Variants in TTC23 observed in about 807,000 individuals in gnomAD.
TTC23 encodes tetratricopeptide repeat domain 23.
A neutral mutation model predicts 55.1 loss-of-function variants in TTC23; 58 were observed. The ratio of observed to expected loss-of-function variants is 1.05; its 90% CI spans 0.85 to 1.31. TTC23 has a LOEUF of 1.31. Among genes scored for constraint, TTC23 ranks in the 50% most tolerant of loss-of-function variants. The pLI, the probability that TTC23 is intolerant of heterozygous loss-of-function variation, is 0.00. For missense variants in TTC23, 516 were observed against 534.4 expected (o/e 0.97, Z 0.34); for synonymous variants, 203 against 199.9 (o/e 1.02, Z -0.13).
At chr15:99,250,520 T>A (rs1466551334), upstream of TTC23, among the ~76,000 whole-genome samples, 2 of 152,222 alleles carry the variant, frequency 1.3e-5, no homozygotes, top group South Asian at 4.1e-4. Context: ...TAGTAGAGGA[T>A]TATACTTTAA....
intron 1 of TTC23, among the ~76,000 whole-genome samples, chr15:99,248,626 C>T (rs2080466887): frequency 6.6e-6 from 1 of 152,208 alleles, no homozygotes; most frequent in South Asian, 2.1e-4. Context: ...CTACAACAGT[C>T]ATCCGGGCAT....
chr15:99,153,966 T>C (rs1703769), intron 12 of TTC23, among the ~76,000 whole-genome samples: 63,501 of 152,088 alleles, frequency 0.42, 14,183 homozygotes, highest in African/African-American at 0.59. Flanking sequence ...TCCATGCAAA[T>C]AAATCTGAAA....
chr15:99,197,466 A>C (rs2075840670), intron 9 of TTC23, among the ~76,000 whole-genome samples: 1 of 152,204 alleles, frequency 6.6e-6, no homozygotes, highest in Non-Finnish European at 1.5e-5. Context: ...AAGAAAAAGA[A>C]AAGAAAAATA....
At chr15:99,157,131 CTTTTTTTTTT>C (rs35708998) in intron 11 of TTC23, 1 of 125,066 alleles carries the variant, frequency 8.0e-6, no homozygotes, top group African/African-American at 3.1e-5. Context: ...ATCTTCATAC[CTTTTTTTTTT>C]TTTTTTTTTA....
At chr15:99,248,224 G>C (rs2152109692) in intron 1 of TTC23, 1 of 152,294 alleles carries the variant, frequency 6.6e-6, no homozygotes, top group Non-Finnish European at 1.5e-5. Context: ...GGGCCCCTTA[G>C]CTTCTGGTCT....
rs894563793 is a variant in TTC23, at chr15:99,142,797, T to C, written c.1144-3398A>G. Among the ~76,000 whole-genome samples, 3 of 152,324 alleles carry C rather than the reference T, an allele frequency of 2.0e-5. No homozygotes were observed. The East Asian group carries it at 5.8e-4, about 29-fold the overall frequency. The stretch of plus-strand genomic sequence containing the variant: ...CATCCCCACCTGTTACAAACCCGTG[T>C]GCTCACCATTTTCCCTGGGAGCATT... On this transcript the variant is annotated intron_variant, in intron 12 of 13. Transcript: ENST00000394132.
chr15:99,154,903 G>A (rs1413560880), intron 12 of TTC23, among the ~76,000 whole-genome samples: 10 of 152,204 alleles, frequency 6.6e-5, no homozygotes, highest in Non-Finnish European at 1.5e-4. Context: ...AACATGGCAA[G>A]GATGCCCATT....
At chr15:99,139,767 GTT>G (rs781909987) in intron 12 of TTC23, 2 of 1,302,526 alleles carry the variant, frequency 1.5e-6, no homozygotes, top group Non-Finnish European at 2.0e-6. Context: ...TAAAAAAATA[GTT>G]TTGTTTTTTT....
intron 11 of TTC23, chr15:99,159,727 C>T (rs1442943106): frequency 6.6e-6 from 1 of 152,200 alleles, no homozygotes; most frequent in African/African-American, 2.4e-5. Context: ...CTGAGGGCAT[C>T]GGGGAGCCAG....
intron 12 of TTC23, among the ~76,000 whole-genome samples, chr15:99,152,200 T>G (rs1189587417): frequency 6.6e-6 from 1 of 152,172 alleles, no homozygotes; most frequent in African/African-American, 2.4e-5. Flanking sequence ...TGCTCCTGCT[T>G]TCCCCATGCG....
chr15:99,233,360 T>G (rs990380265), intron 4 of TTC23, among the ~76,000 whole-genome samples: 2 of 152,184 alleles, frequency 1.3e-5, no homozygotes, highest in South Asian at 4.1e-4. Context: ...TCACTACAGA[T>G]TCTACAAATA....
At chr15:99,235,357 A>AT (rs58184291) in intron 3 of TTC23, among the ~76,000 whole-genome samples, 207 of 133,720 alleles carry the variant, frequency 1.5e-3, no homozygotes, top group African/African-American at 2.1e-3. Flanking sequence ...CATTTTAAGC[A>AT]TTTTTTTTTT....
intron 11 of TTC23, chr15:99,160,507 A>T (rs1377571780): frequency 6.6e-6 from 1 of 152,224 alleles, no homozygotes; most frequent in East Asian, 1.9e-4. Context: ...GATGATATAA[A>T]GTATTCAGGA....
chr15:99,145,732 T>G (rs1212183909), intron 12 of TTC23, among the ~76,000 whole-genome samples: 1 of 152,146 alleles, frequency 6.6e-6, no homozygotes, highest in Non-Finnish European at 1.5e-5. Context: ...CACCCAGCCC[T>G]GCAGCTCCCT....
chr15:99,217,162 T>TA (rs1567511717), intron 8 of TTC23, among the ~76,000 whole-genome samples: 1 of 116,178 alleles, frequency 8.6e-6, no homozygotes, highest in East Asian at 2.4e-4. Flanking sequence ...TTTTTTCTCT[T>TA]CTTTTTTTTT....
intron 8 of TTC23, among the ~76,000 whole-genome samples, chr15:99,209,089 T>A (rs932478355): frequency 6.6e-6 from 1 of 152,232 alleles, no homozygotes; most frequent in East Asian, 1.9e-4. Flanking sequence ...TTATACGCAG[T>A]AATTCTACAG....
chr15:99,220,686 C>T (rs2077850691), intron 6 of TTC23, among the ~76,000 whole-genome samples: 1 of 152,182 alleles, frequency 6.6e-6, no homozygotes, highest in African/African-American at 2.4e-5. Flanking sequence ...ATATGCTTGG[C>T]ATTTGGTGTT....
intron 8 of TTC23, among the ~76,000 whole-genome samples, chr15:99,206,481 C>G (rs2076638338): frequency 1.3e-5 from 2 of 152,126 alleles, no homozygotes; most frequent in Non-Finnish European, 1.5e-5. Context: ...ATGCTTCTAT[C>G]TTGTTACTTA....
At chr15:99,238,211 A>C (rs1402500400) in intron 3 of TTC23, among the ~76,000 whole-genome samples, 5 of 151,882 alleles carry the variant, frequency 3.3e-5, no homozygotes, top group Non-Finnish European at 5.9e-5. Flanking sequence ...TCAAGTGATC[A>C]GCCCACCTCG....
Sources: gnomAD v4.1 joint callset for allele counts (sites outside exome capture counted in the v4.1 genomes callset) on GRCh38, gnomAD v4.1.1 for gene constraint, MANE v1.5 for transcripts, NCBI Gene and HGNC (gene_info 2026-07-23, HGNC 2026-07-21) for gene names.